Variants in RIMS2 observed in about 807,000 individuals in gnomAD.
RIMS2 encodes regulating synaptic membrane exocytosis protein 2.
RIMS2 carries 59 observed loss-of-function variants against 174.4 expected under a neutral mutation model. The ratio of observed to expected loss-of-function variants is 0.34; its 90% CI spans 0.27 to 0.42. The LOEUF (loss-of-function observed/expected upper bound fraction) is 0.42, where lower values mean the gene tolerates loss of function less well. Ranked by LOEUF, RIMS2 falls within the 10% of genes least tolerant of loss-of-function variation. The probability of loss-of-function intolerance (pLI) is 1.00; values close to 1 mark genes in which losing one functional copy is unlikely to be tolerated. For missense variants in RIMS2, 1,620 were observed against 1,666.3 expected (o/e 0.97, Z 0.48); for synonymous variants, 606 against 572.5 (o/e 1.06, Z -0.84).
intron 19 of RIMS2, among the ~76,000 whole-genome samples, chr8:104,181,799 A>G (rs1424649343): frequency 6.6e-6 from 1 of 151,710 alleles, no homozygotes; most frequent in African/African-American, 2.4e-5. Flanking sequence ...TTTGTTGTAT[A>G]TAATTTTTTA....
At chr8:104,233,968 T>C (rs559843157) in intron 19 of RIMS2, among the ~76,000 whole-genome samples, 127 of 152,322 alleles carry the variant, frequency 8.3e-4, no homozygotes, top group African/African-American at 2.8e-3. Flanking sequence ...CTTAGTTCAA[T>C]TTGGCCAATA....
At chr8:103,690,708 A>G (rs1590407185) in intron 1 of RIMS2, among the ~76,000 whole-genome samples, 1 of 152,296 alleles carries the variant, frequency 6.6e-6, no homozygotes, top group East Asian at 1.9e-4. Flanking sequence ...TTCATCTTTT[A>G]ATCTTTCTAT....
intron 1 of RIMS2, among the ~76,000 whole-genome samples, chr8:103,683,410 C>A (rs1223736227): frequency 1.3e-5 from 2 of 152,142 alleles, no homozygotes; most frequent in African/African-American, 2.4e-5. Context: ...AATTCACTCA[C>A]CCCCAAGGAA....
At chr8:103,876,865 TATATATA>T (rs1329771025) in intron 3 of RIMS2, among the ~76,000 whole-genome samples, 12 of 19,548 alleles carry the variant, frequency 6.1e-4, no homozygotes, top group South Asian at 3.4e-3. Context: ...CACACTATTT[TATATATA>T]TATATATATA....
intron 19 of RIMS2, among the ~76,000 whole-genome samples, chr8:104,227,958 A>G (rs2099198787): frequency 6.6e-6 from 1 of 152,034 alleles, no homozygotes; most frequent in African/African-American, 2.4e-5. Flanking sequence ...TTAAAATAAA[A>G]TTGACTAAAT....
intron 1 of RIMS2, among the ~76,000 whole-genome samples, chr8:103,634,442 T>C (rs1045538411): frequency 1.3e-5 from 2 of 152,252 alleles, no homozygotes; most frequent in Non-Finnish European, 2.9e-5. Context: ...TGTTTAATTA[T>C]GTGGTTGATT....
intron 19 of RIMS2, among the ~76,000 whole-genome samples, chr8:104,230,091 C>T (rs1006583959): frequency 2.6e-5 from 4 of 151,678 alleles, no homozygotes; most frequent in African/African-American, 9.7e-5. Context: ...ACCAGCCTGA[C>T]CAACATGGAG....
chr8:103,567,915 G>A (rs2092495837), intron 1 of RIMS2, among the ~76,000 whole-genome samples: 1 of 152,074 alleles, frequency 6.6e-6, no homozygotes, highest in African/African-American at 2.4e-5. Flanking sequence ...GACAGATGAT[G>A]GTGAGCATCT....
intron 12 of RIMS2, among the ~76,000 whole-genome samples, chr8:103,931,841 T>C (rs1378476223): frequency 2.0e-5 from 3 of 152,128 alleles, no homozygotes; most frequent in Non-Finnish European, 4.4e-5. Context: ...CTCTATTCTA[T>C]AAATTTAACA....
intron 19 of RIMS2, among the ~76,000 whole-genome samples, chr8:104,133,614 A>G (rs1386231745): frequency 6.6e-6 from 1 of 152,218 alleles, no homozygotes; most frequent in African/African-American, 2.4e-5. Flanking sequence ...AGTGGCTTCT[A>G]TGTGGAGAAT....
chr8:103,733,940 T>TTGGTGTTTCTA (rs2097646745), intron 2 of RIMS2, among the ~76,000 whole-genome samples: 1 of 152,020 alleles, frequency 6.6e-6, no homozygotes, highest in South Asian at 2.1e-4. Flanking sequence ...GTTGTTCAAT[T>TTGGTGTTTCTA]TGGTGTTTCT....
At chr8:103,740,392 C>G (rs753276703) in intron 2 of RIMS2, among the ~76,000 whole-genome samples, 15 of 152,126 alleles carry the variant, frequency 9.9e-5, no homozygotes, top group South Asian at 2.1e-4. Context: ...GAAGAAATGC[C>G]TTAGTAGGCA....
At chr8:103,830,591 A>G (rs993214168) in intron 3 of RIMS2, among the ~76,000 whole-genome samples, 1 of 152,090 alleles carries the variant, frequency 6.6e-6, no homozygotes, top group Non-Finnish European at 1.5e-5. Context: ...TACTTGCTGG[A>G]TGTTGTGGTC....
intron 19 of RIMS2, among the ~76,000 whole-genome samples, chr8:104,161,625 A>T (rs1387924893): frequency 6.6e-6 from 1 of 152,228 alleles, no homozygotes; most frequent in African/African-American, 2.4e-5. Flanking sequence ...ATGGTGTATC[A>T]GTTTCCTATT....
chr8:103,591,416 T>C (rs1480960809), intron 1 of RIMS2, among the ~76,000 whole-genome samples: 1 of 151,236 alleles, frequency 6.6e-6, no homozygotes, highest in Non-Finnish European at 1.5e-5. Flanking sequence ...AAAATTTTGA[T>C]GAAATTGGAT....
At chr8:103,529,896 G>T (rs1459718613) in intron 1 of RIMS2, among the ~76,000 whole-genome samples, 2 of 152,166 alleles carry the variant, frequency 1.3e-5, no homozygotes, top group South Asian at 2.1e-4. Flanking sequence ...TTGATCTGTG[G>T]TTGGTTGAAT....
chr8:103,725,945 A>G (rs1397358730), intron 2 of RIMS2, among the ~76,000 whole-genome samples: 1 of 152,106 alleles, frequency 6.6e-6, no homozygotes, highest in South Asian at 2.1e-4. Flanking sequence ...TTTTTCGGCC[A>G]TTTATATCAC....
exon 16 of RIMS2, chr8:103,975,430 C>A: frequency 6.2e-7 from 1 of 1,611,690 alleles, no homozygotes. Context: ...CCACTGTTCA[C>A]CATCAGGGTC....
At chr8:103,819,654 C>T in intron 3 of RIMS2, 1 of 1,544,452 alleles carries the variant, frequency 6.5e-7, no homozygotes, top group Non-Finnish European at 8.8e-7. Context: ...ACTATATTTT[C>T]TTTTAATATT....
Sources: gnomAD v4.1 joint callset for allele counts (sites outside exome capture counted in the v4.1 genomes callset) on GRCh38, gnomAD v4.1.1 for gene constraint, MANE v1.5 for transcripts, NCBI Gene and HGNC (gene_info 2026-07-23, HGNC 2026-07-21) for gene names.